INO80: variants seen among roughly 807,000 people sequenced by gnomAD.
INO80 encodes the protein INO80 complex ATPase subunit, also known as chromatin-remodeling ATPase INO80.
INO80 carries 20 observed loss-of-function variants against 203.4 expected under a neutral mutation model. The ratio of observed to expected loss-of-function variants is 0.10; its 90% CI spans 0.07 to 0.14. INO80 has a LOEUF of 0.14. Among genes scored for constraint, INO80 ranks in the 10% least tolerant of loss-of-function variants. The probability of loss-of-function intolerance (pLI) is 1.00; values close to 1 mark genes in which losing one functional copy is unlikely to be tolerated. For missense variants in INO80, 1,419 were observed against 1,914.4 expected (o/e 0.74, Z 4.83); for synonymous variants, 726 against 685.2 (o/e 1.06, Z -0.93).
intron 1 of INO80, among the ~76,000 whole-genome samples, chr15:41,113,125 A>G (rs1252762143): frequency 6.6e-6 from 1 of 152,010 alleles, no homozygotes; most frequent in African/African-American, 2.4e-5. Context: ...CATGTTGCCC[A>G]TGCTGATTTC....
At chr15:41,071,210 A>G (rs1355717444) in intron 12 of INO80, among the ~76,000 whole-genome samples, 1 of 152,214 alleles carries the variant, frequency 6.6e-6, no homozygotes, top group African/African-American at 2.4e-5. Flanking sequence ...CCTCTTGTCA[A>G]AGGATATAGC....
intron 24 of INO80, among the ~76,000 whole-genome samples, chr15:41,043,656 T>C (rs913712248): frequency 1.1e-4 from 17 of 152,200 alleles, no homozygotes; most frequent in African/African-American, 4.1e-4. Flanking sequence ...ACATTTTCTA[T>C]AGGATACAAG....
At chr15:41,023,405 T>C in intron 25 of INO80, 3 of 453,034 alleles carry the variant, frequency 6.6e-6, no homozygotes, top group South Asian at 1.6e-5. Context: ...GTCTAGACTA[T>C]AGAAATATGA....
At chr15:41,009,448 G>T (rs2140446550) in intron 27 of INO80, among the ~76,000 whole-genome samples, 1 of 134,510 alleles carries the variant, frequency 7.4e-6, no homozygotes, top group Non-Finnish European at 1.5e-5. Context: ...TGTTCTCATT[G>T]TTCAATTCCC....
chr15:41,069,269 C>T (rs1449860124), intron 14 of INO80, among the ~76,000 whole-genome samples: 1 of 151,700 alleles, frequency 6.6e-6, no homozygotes, highest in Non-Finnish European at 1.5e-5. Context: ...CCCGTTCAAG[C>T]GATTCTCCTG....
At position 40,980,165 on chromosome 15, in the gene INO80, C is replaced by G; in HGVS notation, c.*58G>C. 7.2e-7 allele frequency: 1 copy of G among 1,394,744 alleles called. No individual in the cohort carries two copies. The highest frequency in any genetic ancestry group is 1.0e-6 in the Non-Finnish European group (1 of 982,908). The allele number at this position is 1,394,744 out of a possible 1,614,324, so 86.4% of individuals were successfully genotyped here. A position where few individuals can be genotyped will look rare whatever the true frequency, so the allele number is the denominator to read the frequency against. ...CACGGGGCAAGCCATCCAAAGACCA[C>G]TGGCAGGTCAGGACTCTAGCCCTGG... On this transcript the variant is annotated 3_prime_UTR_variant, in exon 36 of 36. Transcript: ENST00000648947.
intron 19 of INO80, among the ~76,000 whole-genome samples, chr15:41,052,032 G>C (rs77918256): frequency 0.015 from 2,302 of 152,218 alleles, 59 homozygotes; most frequent in African/African-American, 0.054. Context: ...CCATCTACTA[G>C]GGAGGCTGAG....
rs1190244877 is a variant in INO80, at chr15:40,979,583, C to T, written c.*640G>A. 2.0e-5 allele frequency: 3 copies of T among 153,708 alleles called. No homozygotes were observed. Among genetic ancestry groups the T allele is most frequent in the African/African-American group, 7.2e-5 (3 of 41,440 alleles). 9.5% of individuals were successfully genotyped at this position (153,708 alleles called of 1,614,324 possible). A position where few individuals can be genotyped will look rare whatever the true frequency, so the allele number is the denominator to read the frequency against. ...CGGTTGCTGGTAGGATCTGAAGGTT[C>T]TCTTGGTGTGAACCATGCAGGATGG... On this transcript the variant is annotated 3_prime_UTR_variant, in exon 36 of 36. Transcript: ENST00000648947.
rs766676761 is a variant in INO80 at position 41,092,151 on chromosome 15, G to C, written c.413C>G (p.Ala138Gly). Residue 138 changes from alanine to glycine, a missense_variant, in exon 5 of 36, where the codon GCT (alanine) becomes GGT (glycine). Ala to Gly is a moderately conservative substitution (Grantham distance 60). Transcript: ENST00000648947. ...SILLSDESSE[A>G]DSQSEDDDEE... ...ATCATCGTCTTCACTCTGAGAATCA[G>C]CCTCGCTGGATTCATCACTTAGCAG... is the stretch of plus-strand genomic sequence containing the variant. The C allele has an allele frequency of 6.2e-7, 1 of 1,608,522 alleles. No individual in the cohort carries two copies. Among genetic ancestry groups the C allele is most frequent in the African/African-American group, 1.3e-5 (1 of 74,968 alleles).
At position 41,102,602 on chromosome 15, in the gene INO80, G is replaced by A. The variant is rs186698535; in HGVS notation, c.-43-6249C>T. On this transcript the variant is annotated intron_variant, in intron 1 of 35. Coordinates refer to ENST00000648947, the MANE Select transcript of INO80 (RefSeq NM_017553.3). ...GGAGAATCGCTTGAACCTGGGAGGCGGAGGTTACAGTGAGCCAGTATCGTG... is the reference window on the plus strand; with the variant it reads ...GGAGAATCGCTTGAACCTGGGAGGCAGAGGTTACAGTGAGCCAGTATCGTG... Among the ~76,000 whole-genome samples, 509 of 152,112 alleles carry A rather than the reference G, an allele frequency of 3.3e-3. 2 individuals are homozygous for A. Among genetic ancestry groups the A allele is most frequent in the African/African-American group, 0.012 (477 of 41,470 alleles).
At chr15:40,989,213 C>T (rs1314525156) in intron 29 of INO80, among the ~76,000 whole-genome samples, 3 of 152,180 alleles carry the variant, frequency 2.0e-5, no homozygotes, top group African/African-American at 7.2e-5. Context: ...TGGAAACAGG[C>T]ATGGCTTTCC....
intron 28 of INO80, among the ~76,000 whole-genome samples, chr15:41,000,443 C>G (rs1252989331): frequency 6.6e-6 from 1 of 151,754 alleles, no homozygotes; most frequent in Non-Finnish European, 1.5e-5. Context: ...TGCCTGTAAT[C>G]CCAACACTTT....
chr15:41,035,498 C>T (rs2044556006), intron 24 of INO80, among the ~76,000 whole-genome samples: 1 of 150,992 alleles, frequency 6.6e-6, no homozygotes, highest in Non-Finnish European at 1.5e-5. Context: ...TACGCTCTTG[C>T]CTGGGTGACA....
chr15:40,981,912 GCT>G (rs770983953), intron 35 of INO80, among the ~76,000 whole-genome samples: 1 of 152,196 alleles, frequency 6.6e-6, no homozygotes, highest in African/African-American at 2.4e-5. Flanking sequence ...GCCACTGCCA[GCT>G]CTCTGTCACC....
At chr15:41,057,741 G>A (rs181272392) in intron 16 of INO80, among the ~76,000 whole-genome samples, 3,078 of 139,744 alleles carry the variant, frequency 0.022, 44 homozygotes, top group Non-Finnish European at 0.034. Context: ...AGGTTGCAGT[G>A]AGCCGAGACT....
At chr15:41,060,044 C>T in intron 14 of INO80, 118 bp from the exon 15 acceptor site, 1 of 658,470 alleles carries the variant, frequency 1.5e-6, no homozygotes, top group Non-Finnish European at 2.5e-6. Flanking sequence ...AGGAATTCCT[C>T]TCCTGCCAAT....
Position 41,076,794 on chromosome 15 carries a change from G to A in INO80, c.1132-2229C>T, listed in dbSNP as rs370964948. On this transcript the variant is annotated intron_variant, in intron 9 of 35. Transcript: ENST00000648947. ...ACCTAAGAAAAATAATCATTGTGTC[G>A]ATAAATAAAATCATTCCTAAGATAA... Among the ~76,000 whole-genome samples, 16 of 151,868 alleles carry A rather than the reference G, an allele frequency of 1.1e-4. No individual in the cohort carries two copies. In the East Asian group the frequency reaches 1.2e-3, roughly 11 times the overall value.
chr15:41,112,187 C>T (rs1479157463), intron 1 of INO80, among the ~76,000 whole-genome samples: 2 of 152,250 alleles, frequency 1.3e-5, no homozygotes, highest in African/African-American at 4.8e-5. Context: ...CAGGTGGAAA[C>T]CACTACGCCT....
intron 1 of INO80, among the ~76,000 whole-genome samples, chr15:41,097,836 C>T (rs2045747379): frequency 2.0e-5 from 3 of 151,466 alleles, no homozygotes; most frequent in South Asian, 4.2e-4. Flanking sequence ...GTCTGTAATC[C>T]CACCTACTCA....
Sources: gnomAD v4.1 joint callset for allele counts (sites outside exome capture counted in the v4.1 genomes callset) on GRCh38, gnomAD v4.1.1 for gene constraint, MANE v1.5 for transcripts, NCBI Gene and HGNC (gene_info 2026-07-23, HGNC 2026-07-21) for gene names.